RGS6: variants seen among roughly 807,000 people sequenced by gnomAD.
RGS6 encodes regulator of G protein signaling 6.
In RGS6, 30 loss-of-function variants were observed where a neutral mutation model predicts 78.5. The ratio of observed to expected loss-of-function variants is 0.38; its 90% confidence interval spans 0.29 to 0.52. The LOEUF is 0.52. RGS6 is among the 20% of genes least tolerant of loss of function. The pLI is 0.85. For missense variants in RGS6, 495 were observed against 609.7 expected (o/e 0.81, Z 1.98); for synonymous variants, 206 against 206.0 (o/e 1.00, Z 0.00).
intron 2 of RGS6, among the ~76,000 whole-genome samples, chr14:72,337,193 T>C (rs189765763): frequency 1.8e-4 from 27 of 152,190 alleles, no homozygotes; most frequent in Admixed American, 1.2e-3. Context: ...ACTGTGGTGC[T>C]TCTGATGTGG....
At chr14:71,978,311 T>C (rs1467263524) in intron 2 of RGS6, among the ~76,000 whole-genome samples, 17 of 120,810 alleles carry the variant, frequency 1.4e-4, no homozygotes, top group Non-Finnish European at 2.1e-4. Flanking sequence ...TGAATAGGAG[T>C]GGTGAGAGAG....
At chr14:71,877,828 G>A in the RGS6 span, among the ~76,000 whole-genome samples, 1 of 152,118 alleles carries the variant, frequency 6.6e-6, no homozygotes, top group African/African-American at 2.4e-5. Flanking sequence ...TCTACCTTTG[G>A]CATTTGATGA....
intron 10 of RGS6, 106 bp downstream of exon 10, chr14:72,474,805 A>G: frequency 1.1e-6 from 1 of 892,044 alleles, no homozygotes; most frequent in African/African-American, 1.7e-5. Context: ...ACCTTTTGTC[A>G]TTTGAAACCA....
the RGS6 span, among the ~76,000 whole-genome samples, chr14:71,920,614 C>T: frequency 0.14 from 20,681 of 142,826 alleles, 1,747 homozygotes; most frequent in Admixed American, 0.21. Context: ...TGAATTCCTT[C>T]TTGCATGCGC....
chr14:72,544,603 C>A (rs959671033), intron 17 of RGS6, among the ~76,000 whole-genome samples: 1 of 152,152 alleles, frequency 6.6e-6, no homozygotes, highest in African/African-American at 2.4e-5. Context: ...CAGGAAGGGC[C>A]GGAAGCTGCA....
At chr14:72,509,359 C>T (rs2096851117) in intron 13 of RGS6, among the ~76,000 whole-genome samples, 1 of 145,718 alleles carries the variant, frequency 6.9e-6, no homozygotes, top group African/African-American at 2.6e-5. Context: ...AGTGAGACTC[C>T]ATCTCAAGAA....
At chr14:72,153,722 C>T (rs991892474) in intron 2 of RGS6, among the ~76,000 whole-genome samples, 5 of 152,118 alleles carry the variant, frequency 3.3e-5, no homozygotes, top group South Asian at 2.1e-4. Context: ...AGGGGGTGTA[C>T]GACCAGGGAG....
At chr14:72,178,657 G>A (rs192361872) in intron 2 of RGS6, among the ~76,000 whole-genome samples, 10 of 152,194 alleles carry the variant, frequency 6.6e-5, no homozygotes, top group African/African-American at 1.7e-4. Flanking sequence ...GAAAGGGAAG[G>A]GTTTTGCCAA....
chr14:72,298,830 C>T (rs1008150827), intron 2 of RGS6, among the ~76,000 whole-genome samples: 1 of 152,152 alleles, frequency 6.6e-6, no homozygotes, highest in African/African-American at 2.4e-5. Context: ...TCCTCTGTTT[C>T]TCAGAGAATT....
intron 1 of RGS6, among the ~76,000 whole-genome samples, chr14:71,963,414 T>C (rs1288869012): frequency 6.6e-6 from 1 of 152,236 alleles, no homozygotes; most frequent in Non-Finnish European, 1.5e-5. Flanking sequence ...AAGTGTATAA[T>C]TCAGTGGCAT....
At chr14:72,585,030 C>A in the RGS6 span, among the ~76,000 whole-genome samples, 7 of 151,090 alleles carry the variant, frequency 4.6e-5, no homozygotes, top group East Asian at 1.4e-3. Context: ...ACCAAGAGAC[C>A]CAAGCATTAT....
chr14:72,348,554 C>T (rs767716129), intron 2 of RGS6, among the ~76,000 whole-genome samples: 3 of 152,080 alleles, frequency 2.0e-5, no homozygotes, highest in Non-Finnish European at 2.9e-5. Flanking sequence ...GAGTATTACC[C>T]GATATTGTAG....
intron 2 of RGS6, among the ~76,000 whole-genome samples, chr14:72,163,293 G>T: frequency 6.6e-6 from 1 of 152,168 alleles, no homozygotes; most frequent in East Asian, 1.9e-4. Context: ...AACTCTAATT[G>T]TTTCCACATT....
intron 2 of RGS6, among the ~76,000 whole-genome samples, chr14:72,299,085 A>G (rs1156244355): frequency 2.0e-5 from 3 of 152,172 alleles, no homozygotes; most frequent in Non-Finnish European, 4.4e-5. Context: ...TACAATTTCC[A>G]TATTACCTTT....
chr14:72,075,535 T>G (rs142332475), intron 2 of RGS6, among the ~76,000 whole-genome samples: 2 of 152,206 alleles, frequency 1.3e-5, no homozygotes, highest in South Asian at 2.1e-4. Flanking sequence ...AATGGGATAC[T>G]TTTTATTATA....
At chr14:72,397,940 G>A (rs1294835439) in intron 3 of RGS6, among the ~76,000 whole-genome samples, 1 of 152,122 alleles carries the variant, frequency 6.6e-6, no homozygotes, top group African/African-American at 2.4e-5. Context: ...ATGTGCTGCT[G>A]GATTCGGTTT....
At chr14:72,074,283 A>G (rs1310607448) in intron 2 of RGS6, among the ~76,000 whole-genome samples, 1 of 152,152 alleles carries the variant, frequency 6.6e-6, no homozygotes, top group African/African-American at 2.4e-5. Context: ...TGCAGCCTCA[A>G]ACTTCTAGAC....
intron 2 of RGS6, among the ~76,000 whole-genome samples, chr14:72,234,432 T>C (rs847302): frequency 0.34 from 51,882 of 151,982 alleles, 9,747 homozygotes; most frequent in South Asian, 0.48. Context: ...AAAAAACAAT[T>C]CTGTGAACCA....
chr14:71,965,749 C>G (rs141622638), intron 2 of RGS6, among the ~76,000 whole-genome samples: 4 of 151,994 alleles, frequency 2.6e-5, no homozygotes, highest in Non-Finnish European at 4.4e-5. Context: ...CAAGATAGAG[C>G]GGAGGCTCTA....
Sources: allele counts gnomAD v4.1 joint callset (sites outside exome capture counted in the v4.1 genomes callset), GRCh38; gene constraint gnomAD v4.1.1; transcripts MANE v1.5; gene names NCBI Gene and HGNC (gene_info 2026-07-23, HGNC 2026-07-21).